SLC44A3: variants seen among roughly 807,000 people sequenced by gnomAD.
SLC44A3 encodes the protein choline transporter-like protein 3.
In SLC44A3, 74 loss-of-function variants were observed where a neutral mutation model predicts 75.4. That is an observed-to-expected ratio of 0.98 (90% CI 0.81 to 1.19). The LOEUF (loss-of-function observed/expected upper bound fraction) is 1.19, where lower values mean the gene tolerates loss of function less well. Among genes scored for constraint, SLC44A3 ranks in the 50% most tolerant of loss-of-function variants. The pLI, the probability that SLC44A3 is intolerant of heterozygous loss-of-function variation, is 0.00. For synonymous variants in SLC44A3, 310 were observed against 296.9 expected, an observed-to-expected ratio of 1.04 and a Z score of -0.45; for missense variants, 700 against 778.6, an observed-to-expected ratio of 0.90 and a Z score of 1.20.
chr1:94,820,525 G>T (rs1321409453), intron 1 of SLC44A3, 47 bp downstream of exon 1: 13 of 1,480,174 alleles, frequency 8.8e-6, no homozygotes, highest in Admixed American at 2.2e-5. Flanking sequence ...CCCGGGGAAG[G>T]GTCGAGTCCC....
intron 11 of SLC44A3, among the ~76,000 whole-genome samples, chr1:94,866,124 C>G (rs1276940232): frequency 6.6e-6 from 1 of 152,174 alleles, no homozygotes; most frequent in Non-Finnish European, 1.5e-5. Flanking sequence ...ATCCTTCAGT[C>G]TTAGGAAACT....
At chr1:94,862,162 C>T (rs1666651952) in intron 10 of SLC44A3, among the ~76,000 whole-genome samples, 1 of 152,172 alleles carries the variant, frequency 6.6e-6, no homozygotes, top group African/African-American at 2.4e-5. Context: ...CCCTCCAAAC[C>T]CCATCTTGCA....
chr1:94,830,992 G>A (rs1463256567), intron 5 of SLC44A3, among the ~76,000 whole-genome samples: 1 of 152,164 alleles, frequency 6.6e-6, no homozygotes, highest in African/African-American at 2.4e-5. Flanking sequence ...ATGCAGAGAG[G>A]TTTAAGTTCA....
chr1:94,839,863 G>A (rs1663346677), intron 6 of SLC44A3, 85 bp from the exon 7 acceptor site: 2 of 915,428 alleles, frequency 2.2e-6, no homozygotes, highest in Non-Finnish European at 3.7e-6. Context: ...TCACTGTTCT[G>A]GAGGGTTTTG....
chr1:94,885,180 G>A (rs1446425506), intron 12 of SLC44A3, among the ~76,000 whole-genome samples: 3 of 121,594 alleles, frequency 2.5e-5, no homozygotes, highest in African/African-American at 3.2e-5. Flanking sequence ...GAATACAATC[G>A]CGCCATTGCA....
At chr1:94,857,769 C>T (rs7552892) in intron 10 of SLC44A3, among the ~76,000 whole-genome samples, 24,572 of 147,978 alleles carry the variant, frequency 0.17, 2,099 homozygotes, top group African/African-American at 0.2. Flanking sequence ...ATTGCTTAGA[C>T]TTGAAAGATA....
chr1:94,857,221 G>T, intron 9 of SLC44A3, 114 bp from the exon 10 acceptor site: 1 of 1,037,026 alleles, frequency 9.6e-7, no homozygotes, highest in Non-Finnish European at 1.4e-6. Context: ...ACTTGATTTT[G>T]GCATTTGTTT....
chr1:94,852,209 A>G, intron 9 of SLC44A3, among the ~76,000 whole-genome samples: 1 of 152,242 alleles, frequency 6.6e-6, no homozygotes, highest in Non-Finnish European at 1.5e-5. Context: ...CTTTAAATAA[A>G]GTAAGTCAGT....
At chr1:94,873,086 G>A (rs1667937128) in intron 12 of SLC44A3, among the ~76,000 whole-genome samples, 1 of 152,170 alleles carries the variant, frequency 6.6e-6, no homozygotes, top group Non-Finnish European at 1.5e-5. Context: ...TAAAATAACT[G>A]GTGATGAGAT....
intron 9 of SLC44A3, among the ~76,000 whole-genome samples, chr1:94,850,332 G>A (rs972261381): frequency 1.3e-5 from 2 of 152,074 alleles, no homozygotes; most frequent in African/African-American, 4.8e-5. Flanking sequence ...TGAAAACTGT[G>A]GTAACCTTGG....
At chr1:94,880,300 A>G (rs1165901650) in intron 12 of SLC44A3, among the ~76,000 whole-genome samples, 1 of 152,244 alleles carries the variant, frequency 6.6e-6, no homozygotes, top group Non-Finnish European at 1.5e-5. Context: ...ATGGATAAAG[A>G]AAATGTGATA....
rs773917499 is a variant in SLC44A3, at chr1:94,842,038, A to T, written c.799A>T (p.Thr267Ser). The T allele has an allele frequency of 5.6e-6, 9 of 1,613,324 alleles. 1 individual carries two copies. In the Admixed American group the frequency reaches 8.3e-5, roughly 15 times the overall value. The part of the protein sequence containing the change: ...GVLWWLYYDY[T>S]NDLSIELDTE... ...TTTATGGTGGCTGTATTATGACTAT[A>T]CCAACGACCTCAGCATAGAATTGGA... The change falls in exon 8 of 15, where the codon ACC (threonine) becomes TCC (serine). Residue 267 changes from threonine to serine, a missense_variant. Thr to Ser is a moderately conservative substitution (Grantham distance 58). Coordinates refer to ENST00000271227, the MANE Select transcript of SLC44A3 (RefSeq NM_001114106.3).
chr1:94,825,626 C>T (rs1403971086), intron 3 of SLC44A3, among the ~76,000 whole-genome samples: 2 of 152,140 alleles, frequency 1.3e-5, no homozygotes, highest in Admixed American at 6.5e-5. Flanking sequence ...CCACACCCAG[C>T]CAAAAACGGA....
intron 12 of SLC44A3, among the ~76,000 whole-genome samples, chr1:94,883,201 A>G (rs1400906657): frequency 1.3e-5 from 2 of 151,902 alleles, no homozygotes; most frequent in Non-Finnish European, 2.9e-5. Flanking sequence ...GATACACCTC[A>G]TTAAGAAACA....
At chr1:94,854,463 A>G (rs574982184) in intron 9 of SLC44A3, among the ~76,000 whole-genome samples, 66 of 152,292 alleles carry the variant, frequency 4.3e-4, no homozygotes, top group Non-Finnish European at 8.5e-4. Flanking sequence ...TCTACCTCCC[A>G]TTAACACCCA....
At chr1:94,843,892 A>G (rs988411388) in intron 8 of SLC44A3, among the ~76,000 whole-genome samples, 19 of 150,956 alleles carry the variant, frequency 1.3e-4, no homozygotes, top group Non-Finnish European at 2.8e-4. Context: ...GGGGGTGGTC[A>G]GGGAGGTTAA....
At chr1:94,891,019 A>G in intron 12 of SLC44A3, 111 bp from the exon 13 acceptor site, 1 of 839,812 alleles carries the variant, frequency 1.2e-6, no homozygotes, top group South Asian at 2.3e-5. Flanking sequence ...TGTTATGGGT[A>G]GAGAGAGTAG....
At chr1:94,836,713 C>T (rs1662838777) in intron 5 of SLC44A3, 1 of 151,950 alleles carries the variant, frequency 6.6e-6, no homozygotes, top group South Asian at 2.1e-4. Flanking sequence ...CTCATGTTGC[C>T]CAGCCTGGGC....
chr1:94,879,499 T>G (rs1246468902), intron 12 of SLC44A3, among the ~76,000 whole-genome samples: 1 of 134,246 alleles, frequency 7.4e-6, no homozygotes, highest in Non-Finnish European at 1.5e-5. Flanking sequence ...GCCACTGCAC[T>G]CCAGCCTGGG....
Sources: gnomAD v4.1 joint callset for allele counts (sites outside exome capture counted in the v4.1 genomes callset) on GRCh38, gnomAD v4.1.1 for gene constraint, MANE v1.5 for transcripts, NCBI Gene and HGNC (gene_info 2026-07-23, HGNC 2026-07-21) for gene names.